ABI2: variants seen among roughly 807,000 people sequenced by gnomAD.
ABI2 encodes abelson interactor 2.
A neutral mutation model predicts 59.2 loss-of-function variants in ABI2; 25 were observed. That is an observed-to-expected ratio of 0.42 (90% CI 0.31 to 0.59). The LOEUF (loss-of-function observed/expected upper bound fraction) is 0.59. Ranked by LOEUF, ABI2 falls within the 20% of genes least tolerant of loss-of-function variation. ABI2 has a pLI of 0.14. For synonymous variants in ABI2, 213 were observed against 235.5 expected, an observed-to-expected ratio of 0.90 and a Z score of 0.87; for missense variants, 545 against 681.8, an observed-to-expected ratio of 0.80 and a Z score of 2.23.
chr2:203,409,832 A>T (rs895073566), intron 9 of ABI2, among the ~76,000 whole-genome samples: 1 of 152,184 alleles, frequency 6.6e-6, no homozygotes, highest in African/African-American at 2.4e-5. Context: ...TTAATTGACT[A>T]GCTATCCAAA....
chr2:203,415,301 C>A (rs906837788), intron 10 of ABI2, among the ~76,000 whole-genome samples: 4 of 152,106 alleles, frequency 2.6e-5, no homozygotes, highest in African/African-American at 9.7e-5. Flanking sequence ...GCTGCTCCCA[C>A]CAGGCATCAG....
chr2:203,415,485 C>T (rs762536786), intron 10 of ABI2, among the ~76,000 whole-genome samples: 13 of 151,802 alleles, frequency 8.6e-5, no homozygotes, highest in Non-Finnish European at 1.5e-4. Context: ...GGTGTGGTGG[C>T]GGGCGCCTGT....
intron 2 of ABI2, among the ~76,000 whole-genome samples, chr2:203,375,546 A>G (rs1389489602): frequency 6.6e-6 from 1 of 152,234 alleles, no homozygotes; most frequent in African/African-American, 2.4e-5. Context: ...GAATATCATG[A>G]GGGCAAATGC....
chr2:203,338,977 T>TATAA (rs1468811386), intron 1 of ABI2, among the ~76,000 whole-genome samples: 110 of 10,206 alleles, frequency 0.011, 2 homozygotes, highest in African/African-American at 0.029. Flanking sequence ...TATATATATA[T>TATAA]ATATAAATAT....
At chr2:203,384,834 T>C (rs1306193742) in intron 4 of ABI2, among the ~76,000 whole-genome samples, 2 of 151,922 alleles carry the variant, frequency 1.3e-5, no homozygotes, top group Admixed American at 6.6e-5. Context: ...TTTTTTTTTT[T>C]TCTTTTTTTC....
Position 203,366,971 on chromosome 2 carries a change from A to G in ABI2, c.212A>G (p.Asn71Ser). The change falls in exon 2 of 12, where the codon AAT becomes AGT. Residue 71 changes from asparagine to serine, a missense_variant. Physicochemically the swap from Asn to Ser is conservative, Grantham distance 46. Around this residue, in one of 4 missense-constraint regions of ABI2, gnomAD observed 36 missense variants for 80.0 expected, o/e 0.45. Coordinates refer to ENST00000261018, the MANE Select transcript of ABI2 (RefSeq NM_001375670.1). ...TATCTGATAAACACCTTGGCCAACA[A>G]TGTCCTGCAGATGCTGGATATCCAG... Reference protein sequence around the residue: ...VAYLINTLANNVLQMLDIQAS... With the variant: ...VAYLINTLANSVLQMLDIQAS... 1.2e-6 allele frequency: 2 copies of G among 1,613,970 alleles called. No individual in the cohort carries two copies. The highest frequency in any genetic ancestry group is 1.1e-5 in the South Asian group (1 of 91,022).
At position 203,336,409 on chromosome 2, in the gene ABI2, C is replaced by T. The variant is rs114275317; in HGVS notation, c.117+7778C>T. On this transcript the variant is annotated intron_variant, in intron 1 of 11. Coordinates refer to ENST00000261018, the MANE Select transcript of ABI2 (RefSeq NM_001375670.1). ...AACTGCATCTGATCTGAATCTTGGC[C>T]GAGCACTTTGTGATCCTCTTGGAAT... 7.5e-3 allele frequency among the ~76,000 whole-genome samples: 1,138 copies of T among 152,264 alleles called. 7 individuals carry two copies. The highest frequency in any genetic ancestry group is 0.011 in the Non-Finnish European group (759 of 68,020).
chr2:203,373,077 CTGCAATCTCGG>C (rs2095406744), intron 2 of ABI2, among the ~76,000 whole-genome samples: 1 of 152,202 alleles, frequency 6.6e-6, no homozygotes, highest in Non-Finnish European at 1.5e-5. Flanking sequence ...CGGGCAGAGG[CTGCAATCTCGG>C]CACTTTGGGA....
intron 5 of ABI2, among the ~76,000 whole-genome samples, chr2:203,392,302 C>T (rs942199238): frequency 1.0e-5 from 1 of 96,050 alleles, no homozygotes; most frequent in Non-Finnish European, 2.3e-5. Context: ...ACCACCACCA[C>T]CACCACCACC....
chr2:203,349,201 C>T (rs893163733), intron 1 of ABI2, among the ~76,000 whole-genome samples: 1 of 152,088 alleles, frequency 6.6e-6, no homozygotes, highest in African/African-American at 2.4e-5. Flanking sequence ...CTTGGCTTCC[C>T]AAAGTGCTGG....
intron 3 of ABI2, among the ~76,000 whole-genome samples, chr2:203,380,710 T>C (rs1267503051): frequency 2.0e-5 from 3 of 152,220 alleles, no homozygotes; most frequent in East Asian, 1.9e-4. Flanking sequence ...CATCATGTTA[T>C]TATGAAAGTG....
chr2:203,388,721 AATAT>A (rs1341304110), intron 4 of ABI2, among the ~76,000 whole-genome samples: 1 of 152,078 alleles, frequency 6.6e-6, no homozygotes, highest in African/African-American at 2.4e-5. Context: ...ACCAGATTTT[AATAT>A]ATAGATTGTT....
chr2:203,349,636 C>T (rs1016714294), intron 1 of ABI2, among the ~76,000 whole-genome samples: 1 of 151,700 alleles, frequency 6.6e-6, no homozygotes, highest in African/African-American at 2.4e-5. Context: ...AACTCCTGAC[C>T]TCAGGTGATC....
intron 1 of ABI2, among the ~76,000 whole-genome samples, chr2:203,339,960 T>C (rs1256325391): frequency 6.6e-6 from 1 of 152,250 alleles, no homozygotes; most frequent in Non-Finnish European, 1.5e-5. Context: ...GGATGAATAC[T>C]GTATTTGTTT....
At chr2:203,378,319 G>A (rs1240182370) in intron 2 of ABI2, among the ~76,000 whole-genome samples, 4 of 152,056 alleles carry the variant, frequency 2.6e-5, no homozygotes, top group Non-Finnish European at 2.9e-5. Context: ...CACCGTGTTA[G>A]CCAGGATGGT....
At chr2:203,365,051 C>G (rs1395435474) in intron 1 of ABI2, among the ~76,000 whole-genome samples, 1 of 152,026 alleles carries the variant, frequency 6.6e-6, no homozygotes, top group Non-Finnish European at 1.5e-5. Flanking sequence ...TGCTTTACTC[C>G]TTTTGATAAT....
intron 9 of ABI2, among the ~76,000 whole-genome samples, chr2:203,403,751 T>TTG (rs2097316653): frequency 2.8e-5 from 4 of 144,858 alleles, no homozygotes; most frequent in South Asian, 2.3e-4. Context: ...TGTTTTTTTT[T>TTG]TTTTTTTTTT....
intron 1 of ABI2, among the ~76,000 whole-genome samples, chr2:203,346,382 G>C (rs968651728): frequency 1.3e-5 from 2 of 152,194 alleles, no homozygotes; most frequent in Non-Finnish European, 2.9e-5. Flanking sequence ...TATTTCTGCA[G>C]CTTGGGAATA....
chr2:203,335,256 CTTTAT>C (rs1290995828), intron 1 of ABI2, among the ~76,000 whole-genome samples: 2 of 151,958 alleles, frequency 1.3e-5, no homozygotes, highest in East Asian at 1.9e-4. Context: ...TATTTTATTA[CTTTAT>C]TTTATTTTAT....
Sources: gnomAD v4.1 joint callset for allele counts (sites outside exome capture counted in the v4.1 genomes callset) on GRCh38, gnomAD v4.1.1 for gene constraint, gnomAD v4.1.1 regional missense constraint, MANE v1.5 for transcripts, NCBI Gene and HGNC (gene_info 2026-07-23, HGNC 2026-07-21) for gene names.